Variants in RIMS2 observed in about 807,000 individuals in gnomAD.
RIMS2 encodes the protein regulating synaptic membrane exocytosis protein 2.
Under a neutral mutation model 174.4 loss-of-function variants are expected in RIMS2, and 59 were observed. The observed-to-expected ratio is 0.34, with a 90% confidence interval of 0.27 to 0.42. RIMS2 has a LOEUF of 0.42. RIMS2 is among the 10% of genes least tolerant of loss of function. The probability of loss-of-function intolerance (pLI) is 1.00; values close to 1 mark genes in which losing one functional copy is unlikely to be tolerated. For synonymous variants in RIMS2, 606 were observed against 572.5 expected (o/e 1.06, Z -0.84); for missense variants, 1,620 against 1,666.3 (o/e 0.97, Z 0.48).
intron 1 of RIMS2, among the ~76,000 whole-genome samples, chr8:103,598,212 A>G (rs1012202889): frequency 2.6e-5 from 4 of 152,196 alleles, no homozygotes; most frequent in Non-Finnish European, 4.4e-5. Flanking sequence ...CAACTTTTGT[A>G]TGAGCCCCAG....
At position 103,921,536 on chromosome 8, in the gene RIMS2, T is replaced by C. The variant is rs144907461; in HGVS notation, c.2084-136T>C. Reference sequence around the variant, plus strand: ...CCCTTTAAGAATATTTGGAATGTTTTGTCTAAGAAATGGTCTATATAATGA... The same window carrying C: ...CCCTTTAAGAATATTTGGAATGTTTCGTCTAAGAAATGGTCTATATAATGA... On this transcript the variant is annotated intron_variant, in intron 9 of 23. Transcript: ENST00000504942. 1,037 of 561,454 alleles carry C rather than the reference T, an allele frequency of 1.8e-3. 12 individuals are homozygous for C. The highest frequency in any genetic ancestry group is 0.014 in the African/African-American group (720 of 52,364). 34.8% of individuals were successfully genotyped at this position (561,454 alleles called of 1,614,324 possible).
At chr8:103,834,730 TTCTTTCTTTCTTTCTC>T (rs2098854393) in intron 3 of RIMS2, among the ~76,000 whole-genome samples, 1 of 101,956 alleles carries the variant, frequency 9.8e-6, no homozygotes, top group Non-Finnish European at 2.0e-5. Context: ...CTTTCTTTCT[TTCTTTCTTTCTTTCTC>T]TCTCTTTCTT....
rs868098932 is a variant in RIMS2 at position 104,047,781 on chromosome 8, T to A, written c.3334+33166T>A. On this transcript the variant is annotated intron_variant, in intron 19 of 23. Transcript: ENST00000504942. ...AGTTTGTGACTGCTAGTTTAGGAGA[T>A]AACTGACAAGCAAATCTATGCATCA... Among the ~76,000 whole-genome samples the A allele has an allele frequency of 2.6e-5, 4 of 152,094 alleles. No individual in the cohort carries two copies. In the South Asian group the frequency reaches 8.3e-4, roughly 31 times the overall value.
intron 14 of RIMS2, among the ~76,000 whole-genome samples, chr8:103,954,413 C>T (rs1263037976): frequency 1.3e-5 from 2 of 152,188 alleles, no homozygotes; most frequent in Non-Finnish European, 2.9e-5. Flanking sequence ...TCTCAGACCA[C>T]AGTGCAATCA....
intron 1 of RIMS2, among the ~76,000 whole-genome samples, chr8:103,653,355 T>C (rs1328294961): frequency 1.3e-5 from 2 of 152,230 alleles, no homozygotes; most frequent in Non-Finnish European, 2.9e-5. Context: ...TTCACTTCTG[T>C]AGCATTTTAA....
rs1249855373 is a variant in RIMS2, at chr8:103,572,380, GATT to G, written c.176+71319_176+71321del. Among the ~76,000 whole-genome samples the G allele has an allele frequency of 8.2e-3, 932 of 113,394 alleles. 11 individuals are homozygous for G. Among genetic ancestry groups the G allele is most frequent in the African/African-American group, 0.032 (882 of 27,672 alleles). 74.4% of individuals were successfully genotyped at this position (113,394 alleles called of 152,430 possible). A position where few individuals can be genotyped will look rare whatever the true frequency, so the allele number is the denominator to read the frequency against. ...CGATTGGTCCATTTTACAGAGCACT[GATT>G]GGTCCATTTTACAGAGCACTGATTG... On this transcript the variant is annotated intron_variant, in intron 1 of 23. Coordinates refer to ENST00000504942, the Ensembl canonical transcript of RIMS2.
At chr8:104,178,641 G>C (rs890182253) in intron 19 of RIMS2, among the ~76,000 whole-genome samples, 1 of 152,032 alleles carries the variant, frequency 6.6e-6, no homozygotes, top group Non-Finnish European at 1.5e-5. Context: ...ACCATACAAC[G>C]TCAGCAACAG....
At chr8:103,825,411 C>A (rs2098783050) in intron 3 of RIMS2, among the ~76,000 whole-genome samples, 1 of 151,346 alleles carries the variant, frequency 6.6e-6, no homozygotes, top group African/African-American at 2.4e-5. Flanking sequence ...TTCTGAGAAG[C>A]TAGGACCACA....
At chr8:104,013,696 T>G (rs2154553924) in intron 18 of RIMS2, 75 bp downstream of exon 20, 10 of 1,178,472 alleles carry the variant, frequency 8.5e-6, no homozygotes, top group Middle Eastern at 2.0e-4. Context: ...AACAGTTAAC[T>G]GGTCTCTTCT....
chr8:103,765,717 A>G (rs568935016), intron 2 of RIMS2, among the ~76,000 whole-genome samples: 3 of 152,284 alleles, frequency 2.0e-5, no homozygotes, highest in Admixed American at 2.0e-4. Context: ...CCGTATAACA[A>G]GTAATATTCT....
intron 6 of RIMS2, 130 bp downstream of exon 9, chr8:103,912,302 C>T (rs1442591071): frequency 7.4e-6 from 4 of 539,680 alleles, no homozygotes; most frequent in African/African-American, 1.9e-5. Context: ...TGTGAAGATT[C>T]GCACTCATTA....
At chr8:104,057,105 C>T (rs1273319914) in intron 19 of RIMS2, among the ~76,000 whole-genome samples, 1 of 145,492 alleles carries the variant, frequency 6.9e-6, no homozygotes, top group African/African-American at 2.5e-5. Flanking sequence ...CTCACTCTGT[C>T]ACTTAGGCTG....
Position 103,960,573 on chromosome 8 carries a change from A to T in RIMS2, c.2702-492A>T, listed in dbSNP as rs548045632. Among the ~76,000 whole-genome samples, 11 of 152,296 alleles carry T rather than the reference A, an allele frequency of 7.2e-5. No homozygotes were observed. In the East Asian group the frequency reaches 1.7e-3, roughly 24 times the overall value. The stretch of plus-strand genomic sequence containing the variant: ...CTTTTCTGAATTATACTTTCTCTCC[A>T]TGAGCATGAAAAATAAGGAACTGAC... On this transcript the variant is annotated intron_variant, in intron 14 of 23. Coordinates refer to ENST00000504942, the Ensembl canonical transcript of RIMS2.
Position 103,536,559 on chromosome 8 carries a change from C to T in RIMS2, c.176+35497C>T, listed in dbSNP as rs184942397. Among the ~76,000 whole-genome samples, 10 of 152,224 alleles carry T rather than the reference C, an allele frequency of 6.6e-5. 1 individual carries two copies. The Middle Eastern group carries it at 0.01, about 156-fold the overall frequency. Reference sequence around the variant, plus strand: ...AGGAAGCATGATGCTGACGTCTGCTCGGTTTCTGGGGAGACCTTTCAATCA... The same window carrying T: ...AGGAAGCATGATGCTGACGTCTGCTTGGTTTCTGGGGAGACCTTTCAATCA... On this transcript the variant is annotated intron_variant, in intron 1 of 23. Transcript: ENST00000504942.
chr8:104,170,098 G>A (rs1047449257), intron 19 of RIMS2, among the ~76,000 whole-genome samples: 1 of 151,994 alleles, frequency 6.6e-6, no homozygotes, highest in Non-Finnish European at 1.5e-5. Flanking sequence ...TGTCTATCTT[G>A]GAGAATGTTC....
chr8:104,042,182 T>C (rs1445097560), intron 19 of RIMS2, among the ~76,000 whole-genome samples: 1 of 151,488 alleles, frequency 6.6e-6, no homozygotes, highest in East Asian at 1.9e-4. Flanking sequence ...GGATGGATAT[T>C]AGTTCAAGAA....
chr8:104,132,649 A>T (rs1237639234), intron 19 of RIMS2, among the ~76,000 whole-genome samples: 2 of 152,216 alleles, frequency 1.3e-5, no homozygotes, highest in Non-Finnish European at 2.9e-5. Flanking sequence ...AGGAGGACAG[A>T]TAAGCACAAT....
At chr8:103,844,843 C>T (rs542727667) in intron 3 of RIMS2, among the ~76,000 whole-genome samples, 1 of 152,044 alleles carries the variant, frequency 6.6e-6, no homozygotes, top group Admixed American at 6.6e-5. Flanking sequence ...CCTTTTTCTT[C>T]TACCTTAGCT....
chr8:104,102,159 C>T (rs2097915046), intron 19 of RIMS2, among the ~76,000 whole-genome samples: 1 of 152,160 alleles, frequency 6.6e-6, no homozygotes, highest in Admixed American at 6.5e-5. Flanking sequence ...CTCCTGGGTT[C>T]TGCACATCTT....
Sources: gnomAD v4.1 joint callset for allele counts (sites outside exome capture counted in the v4.1 genomes callset) on GRCh38, gnomAD v4.1.1 for gene constraint, MANE v1.5 for transcripts, NCBI Gene and HGNC (gene_info 2026-07-23, HGNC 2026-07-21) for gene names.